The following TRIM4 variants were observed in gnomAD, a reference collection of about 807,000 sequenced individuals.
TRIM4 encodes tripartite motif containing 4.
TRIM4 carries 29 observed loss-of-function variants against 33.7 expected under a neutral mutation model. The ratio of observed to expected loss-of-function variants is 0.86; its 90% CI spans 0.64 to 1.17. The LOEUF is 1.17. Among genes scored for constraint, TRIM4 ranks in the 50% most tolerant of loss-of-function variants. The probability of loss-of-function intolerance (pLI) is 0.00; values close to 1 mark genes in which losing one functional copy is unlikely to be tolerated. For missense variants in TRIM4, 554 were observed against 593.7 expected (o/e 0.93, Z 0.69); for synonymous variants, 224 against 233.0 (o/e 0.96, Z 0.35).
At position 99,892,491 on chromosome 7, in the gene TRIM4, A is replaced by C; in HGVS notation, c.1097T>G (p.Val366Gly). The change falls in exon 6 of 6, where the codon GTT becomes GGT. Residue 366 changes from valine to glycine, a missense_variant. This residue lies in a region of TRIM4 where 290 missense variants were observed against 335.8 expected (regional missense o/e 0.86). Coordinates refer to ENST00000349062, the MANE Select transcript of TRIM4 (RefSeq NM_033091.3). Reference sequence around the variant, plus strand: ...GTCCTCCCGACACACCCCAACAGCAACCTCCAGACTATCTCTACTCTCAAC... The same window carrying C: ...GTCCTCCCGACACACCCCAACAGCACCCTCCAGACTATCTCTACTCTCAAC... ...WEVESRDSLE[V>G]AVGVCREDVM... is the part of the protein sequence containing the mutation. The C allele has an allele frequency of 1.2e-5, 19 of 1,613,904 alleles. No homozygotes were observed. Among genetic ancestry groups the C allele is most frequent in the Non-Finnish European group, 1.6e-5 (19 of 1,179,966 alleles).
intron 5 of TRIM4, among the ~76,000 whole-genome samples, chr7:99,898,779 ACATT>A (rs1819084252): frequency 1.3e-5 from 2 of 152,200 alleles, no homozygotes; most frequent in South Asian, 4.1e-4. Flanking sequence ...TGGAAGCTGC[ACATT>A]AATTAAAACC....
chr7:99,919,477 A>T lies in TRIM4; in HGVS notation c.-76T>A, dbSNP rs1490568391. ...CAGCAAGCTGCGAGCGGCCGCGGGG[A>T]GGCCAGACGACTTCCGAACCGCCGT... On this transcript the variant is annotated 5_prime_UTR_variant, in exon 1 of 6. Transcript: ENST00000349062. 7.1e-7 allele frequency: 1 copy of T among 1,406,462 alleles called. No individual in the cohort carries two copies. The highest frequency in any genetic ancestry group is 9.3e-7 in the Non-Finnish European group (1 of 1,077,298). 87.1% of individuals were successfully genotyped at this position (1,406,462 alleles called of 1,614,324 possible).
At chr7:99,912,392 T>C (rs2151651267) in intron 1 of TRIM4, among the ~76,000 whole-genome samples, 1 of 151,924 alleles carries the variant, frequency 6.6e-6, no homozygotes, top group African/African-American at 2.4e-5. Context: ...AATAGCCAGG[T>C]GTGGTGGCAC....
rs780511981 is a variant in TRIM4 at position 99,892,029 on chromosome 7, C to T, written c.*134G>A. On this transcript the variant is annotated 3_prime_UTR_variant, in exon 6 of 6. Transcript: ENST00000349062. ...TTGTGAAGCACACAAAGGGCAGATA[C>T]CAAACGGTACCGTTAGGGAGACCCA... The T allele has an allele frequency of 1.8e-4, 146 of 803,908 alleles. No homozygotes were observed. Among genetic ancestry groups the T allele is most frequent in the Non-Finnish European group, 2.7e-4 (141 of 525,946 alleles). 49.8% of individuals were successfully genotyped at this position (803,908 alleles called of 1,614,324 possible). A position where few individuals can be genotyped will look rare whatever the true frequency, so the allele number is the denominator to read the frequency against.
intron 1 of TRIM4, among the ~76,000 whole-genome samples, chr7:99,915,120 C>A (rs1819525969): frequency 6.6e-6 from 1 of 152,026 alleles, no homozygotes; most frequent in Admixed American, 6.6e-5. Flanking sequence ...TAGGATAGCA[C>A]TTTCTTTTTC....
chr7:99,910,575 T>G (rs1819416675), intron 1 of TRIM4, among the ~76,000 whole-genome samples: 1 of 152,190 alleles, frequency 6.6e-6, no homozygotes, highest in Non-Finnish European at 1.5e-5. Flanking sequence ...GCATACGTGT[T>G]TATCTATGTG....
intron 5 of TRIM4, among the ~76,000 whole-genome samples, chr7:99,898,954 G>A (rs756090052): frequency 1.3e-5 from 2 of 152,200 alleles, no homozygotes; most frequent in Non-Finnish European, 2.9e-5. Context: ...TTTTGTTGCT[G>A]TAGTTTCTAA....
In TRIM4 at chr7:99,891,014, A is replaced by C. The variant is rs1818881845; in HGVS notation, c.*1149T>G. 6.6e-6 allele frequency: 1 copy of C among 152,254 alleles called. No individual in the cohort carries two copies. Among genetic ancestry groups the C allele is most frequent in the Non-Finnish European group, 1.5e-5 (1 of 68,044 alleles). The allele number at this position is 152,254 out of a possible 1,614,324, so 9.4% of individuals were successfully genotyped here. A position where few individuals can be genotyped will look rare whatever the true frequency, so the allele number is the denominator to read the frequency against. On this transcript the variant is annotated 3_prime_UTR_variant, in exon 6 of 6. Transcript: ENST00000349062. Reference sequence around the variant, plus strand: ...CTTACAAACTTTCTACAATAAGTACACATGACTTATATAAACAGAGAAAAG... The same window carrying C: ...CTTACAAACTTTCTACAATAAGTACCCATGACTTATATAAACAGAGAAAAG...
chr7:99,901,290 G>T (rs73711671), intron 5 of TRIM4: 3 of 151,918 alleles, frequency 2.0e-5, no homozygotes, highest in African/African-American at 7.3e-5. Flanking sequence ...ACTTTGATCT[G>T]GTCTCTATGT....
intron 5 of TRIM4, among the ~76,000 whole-genome samples, chr7:99,898,834 C>T (rs1819085398): frequency 6.6e-6 from 1 of 152,130 alleles, no homozygotes; most frequent in Admixed American, 6.5e-5. Flanking sequence ...ACATTATAAC[C>T]GGGGTTATGT....
chr7:99,898,982 G>C (rs1168207010), intron 5 of TRIM4, among the ~76,000 whole-genome samples: 9 of 152,042 alleles, frequency 5.9e-5, no homozygotes, highest in African/African-American at 2.2e-4. Context: ...GCAGCATCTG[G>C]CAGCAATGCT....
chr7:99,894,006 C>T (rs1285701514), intron 5 of TRIM4, among the ~76,000 whole-genome samples: 1 of 145,760 alleles, frequency 6.9e-6, no homozygotes, highest in Non-Finnish European at 1.5e-5. Flanking sequence ...TAAACTACAT[C>T]GATTTTCAAA....
Position 99,919,120 on chromosome 7 carries a change from C to T in TRIM4, c.282G>A (p.Leu94=), listed in dbSNP as rs928320089. ...GCTGGTCGTCCTCGCAGAAGAGCCG[C>T]AGCGGCTCCCAGTGGCGGCCGCACA... ...PGLCGRHWEP[L]RLFCEDDQRP... is the part of the protein sequence containing the mutation. Residue 94 remains leucine (L), a synonymous_variant, in exon 1 of 6, where the codon CTG becomes CTA. Transcript: ENST00000349062. 4.0e-6 allele frequency: 6 copies of T among 1,518,818 alleles called. No homozygotes were observed. In the African/African-American group the frequency reaches 7.2e-5, roughly 18 times the overall value. The allele number at this position is 1,518,818 out of a possible 1,614,324, so 94.1% of individuals were successfully genotyped here.
chr7:99,907,945 G>A (rs1350961579), intron 3 of TRIM4, among the ~76,000 whole-genome samples: 1 of 152,084 alleles, frequency 6.6e-6, no homozygotes, highest in East Asian at 1.9e-4. Flanking sequence ...CACAAATGTA[G>A]GACCCTATCC....
chr7:99,897,662 C>T (rs1275427874), intron 5 of TRIM4, among the ~76,000 whole-genome samples: 1 of 152,198 alleles, frequency 6.6e-6, no homozygotes, highest in African/African-American at 2.4e-5. Flanking sequence ...ACCTATTTTA[C>T]ATCCTACTCC....
chr7:99,903,463 C>G lies in TRIM4; in HGVS notation c.743+113G>C, dbSNP rs115952343. The G allele has an allele frequency of 4.2e-6, 6 of 1,437,402 alleles. No individual in the cohort carries two copies. In the Admixed American group the frequency reaches 1.1e-4, roughly 26 times the overall value. The allele number at this position is 1,437,402 out of a possible 1,614,324, so 89.0% of individuals were successfully genotyped here. On this transcript the variant is annotated intron_variant, in intron 4 of 5. Transcript: ENST00000349062. ...AATCAGGAGAATTTTTCCTCAGACC[C>G]CCATTAGGGTGTGCCCAGACTGACC...
chr7:99,919,309 G>A lies in TRIM4; in HGVS notation c.93C>T (p.Phe31=). Residue 31 remains phenylalanine, a synonymous_variant, in exon 1 of 6, where the codon TTC becomes TTT. Coordinates refer to ENST00000349062, the MANE Select transcript of TRIM4 (RefSeq NM_033091.3). The stretch of plus-strand genomic sequence containing the variant: ...AGTTGCGGTGCAGGCAGCCGCGGCA[G>A]AAGTTGTGGCCGCACTCGATGGACA... The part of the protein sequence containing the change: ...DPVSIECGHN[F]CRGCLHRNWA... The A allele has an allele frequency of 6.4e-7, 1 of 1,561,608 alleles. No individual in the cohort carries two copies. Among genetic ancestry groups the A allele is most frequent in the Non-Finnish European group, 8.7e-7 (1 of 1,154,460 alleles).
intron 1 of TRIM4, chr7:99,916,842 C>T (rs187247930): frequency 3.4e-5 from 26 of 766,316 alleles, no homozygotes; most frequent in Admixed American, 1.6e-4. Flanking sequence ...CTCCCCACTG[C>T]CTGAAAGAGA....
chr7:99,911,376 A>T (rs1819438710), intron 1 of TRIM4, among the ~76,000 whole-genome samples: 1 of 152,196 alleles, frequency 6.6e-6, no homozygotes, highest in African/African-American at 2.4e-5. Context: ...TTAAATTACA[A>T]AACTAGTGAA....
Sources: gnomAD v4.1 joint callset for allele counts (sites outside exome capture counted in the v4.1 genomes callset) on GRCh38, gnomAD v4.1.1 for gene constraint, gnomAD v4.1.1 regional missense constraint, MANE v1.5 for transcripts, NCBI Gene and HGNC (gene_info 2026-07-23, HGNC 2026-07-21) for gene names.